PGAP1: variants seen among roughly 807,000 people sequenced by gnomAD.
PGAP1 encodes post-GPI attachment to proteins inositol deacylase 1, also known as GPI inositol-deacylase.
In PGAP1, 76 loss-of-function variants were observed where a neutral mutation model predicts 127.0. The ratio of observed to expected loss-of-function variants is 0.60; its 90% CI spans 0.50 to 0.72. The LOEUF (loss-of-function observed/expected upper bound fraction) is 0.72. Ranked by LOEUF, PGAP1 falls within the 30% of genes least tolerant of loss-of-function variation. The pLI, the probability that PGAP1 is intolerant of heterozygous loss-of-function variation, is 0.00. For missense variants in PGAP1, 982 were observed against 1,071.3 expected, an observed-to-expected ratio of 0.92 and a Z score of 1.16; for synonymous variants, 362 against 366.5, an observed-to-expected ratio of 0.99 and a Z score of 0.14.
At chr2:196,893,755 ACT>A (rs1253726305) in intron 7 of PGAP1, among the ~76,000 whole-genome samples, 1 of 152,138 alleles carries the variant, frequency 6.6e-6, no homozygotes, top group Non-Finnish European at 1.5e-5. Context: ...CATAGAAATT[ACT>A]CTCTTTTATT....
chr2:196,881,408 G>A (rs1367231060), intron 12 of PGAP1, among the ~76,000 whole-genome samples: 2 of 152,078 alleles, frequency 1.3e-5, no homozygotes, highest in Admixed American at 6.6e-5. Context: ...TAGGTCAAAT[G>A]GTATTTCTAT....
intron 20 of PGAP1, among the ~76,000 whole-genome samples, chr2:196,856,188 G>A (rs1268238641): frequency 1.3e-5 from 2 of 151,814 alleles, no homozygotes; most frequent in African/African-American, 4.8e-5. Context: ...TAATTTTTTT[G>A]TATTTTTAGT....
intron 3 of PGAP1, among the ~76,000 whole-genome samples, chr2:196,913,616 C>A (rs1702908411): frequency 6.6e-6 from 1 of 152,164 alleles, no homozygotes; most frequent in African/African-American, 2.4e-5. Flanking sequence ...TTCAAAAAAT[C>A]TTTTGTTTTC....
chr2:196,864,390 CAAAAAAAAAAAAAA>C (rs752788293), intron 20 of PGAP1, among the ~76,000 whole-genome samples: 1 of 32,390 alleles, frequency 3.1e-5, no homozygotes, highest in South Asian at 1.6e-3. Flanking sequence ...AACTACGTCT[CAAAAAAAAAAAAAA>C]AAAAAAAAAA....
intron 7 of PGAP1, among the ~76,000 whole-genome samples, chr2:196,894,418 T>C (rs1328009308): frequency 1.3e-5 from 2 of 152,220 alleles, no homozygotes; most frequent in Non-Finnish European, 2.9e-5. Context: ...GCAAACTCTC[T>C]ACTTCAAATA....
At chr2:196,860,440 A>G (rs1701027339) in intron 20 of PGAP1, among the ~76,000 whole-genome samples, 1 of 152,286 alleles carries the variant, frequency 6.6e-6, no homozygotes, top group African/African-American at 2.4e-5. Context: ...AGGCTGAGAC[A>G]GAAGAATCAC....
intron 22 of PGAP1, 120 bp downstream of exon 22, chr2:196,846,883 G>A (rs539094916): frequency 2.6e-6 from 2 of 781,110 alleles, no homozygotes; most frequent in African/African-American, 1.8e-5. Context: ...CCATACTTTC[G>A]CTAGTTATAT....
chr2:196,875,642 C>T (rs1701540149), intron 14 of PGAP1, 104 bp downstream of exon 14: 6 of 673,440 alleles, frequency 8.9e-6, no homozygotes, highest in Non-Finnish European at 2.6e-6. Context: ...ATTCTAAGAA[C>T]TATACTTGAA....
Position 196,847,094 on chromosome 2 carries a change from A to G in PGAP1, c.2059T>C (p.Phe687Leu). 6.2e-7 allele frequency: 1 copy of G among 1,613,712 alleles called. No homozygotes were observed. Among genetic ancestry groups the G allele is most frequent in the Non-Finnish European group, 8.5e-7 (1 of 1,179,732 alleles). The change falls in exon 22 of 27, where the codon TTT (phenylalanine) becomes CTT (leucine). Residue 687 changes from phenylalanine to leucine, a missense_variant. Transcript: ENST00000354764. ...TAGGCAGTACACGTTCCAAACAGAA[A>G]GAGAATCAAGGATATCAGGGGGAAA... is the stretch of plus-strand genomic sequence containing the variant. ...MCFPLISLIL[F>L]LFGTCTAYWS... is the part of the protein sequence containing the mutation.
chr2:196,863,219 A>G (rs1265320603), intron 20 of PGAP1, among the ~76,000 whole-genome samples: 2 of 152,200 alleles, frequency 1.3e-5, no homozygotes, highest in Admixed American at 1.3e-4. Flanking sequence ...ACTGCTGTAT[A>G]TATTATCCAA....
rs1700176161 is a variant in PGAP1, at chr2:196,834,280, T to C, written c.*6954A>G. 6.6e-6 allele frequency: 1 copy of C among 152,156 alleles called. No individual in the cohort carries two copies. The highest frequency in any genetic ancestry group is 1.5e-5 in the Non-Finnish European group (1 of 67,904). 9.4% of individuals were successfully genotyped at this position (152,156 alleles called of 1,614,324 possible). On this transcript the variant is annotated 3_prime_UTR_variant, in exon 27 of 27. Coordinates refer to ENST00000354764, the MANE Select transcript of PGAP1 (RefSeq NM_024989.4). Reference sequence around the variant, plus strand: ...TAATTCAAAATGAGAACTCTGAAAATTAAGGGAGGCCTCTACAGCAATAGT... The same window carrying C: ...TAATTCAAAATGAGAACTCTGAAAACTAAGGGAGGCCTCTACAGCAATAGT...
At chr2:196,872,782 A>G in intron 17 of PGAP1, 178 bp downstream of exon 17, 1 of 559,790 alleles carries the variant, frequency 1.8e-6, no homozygotes. Flanking sequence ...AGTAAAGTTT[A>G]AGTTCTCTAT....
At position 196,926,629 on chromosome 2, in the gene PGAP1, ACCGCCG is replaced by A. The variant is rs745913420; in HGVS notation, c.-19_-14del. ...AGTGAAGAAACATGGTGCCGCCACC[ACCGCCG>A]CCGCCGCCGCCGCCCCCTCTACCTC... On this transcript the variant is annotated 5_prime_UTR_variant, in exon 1 of 27. Coordinates refer to ENST00000354764, the MANE Select transcript of PGAP1 (RefSeq NM_024989.4). 10 of 1,607,594 alleles carry A rather than the reference ACCGCCG, an allele frequency of 6.2e-6. No individual in the cohort carries two copies. In the East Asian group the frequency reaches 6.7e-5, roughly 11 times the overall value.
rs1207251934 is a variant in PGAP1 at position 196,837,867 on chromosome 2, T to C, written c.*3367A>G. The C allele has an allele frequency of 6.6e-6, 1 of 152,002 alleles. No homozygotes were observed. Among genetic ancestry groups the C allele is most frequent in the African/African-American group, 2.4e-5 (1 of 41,380 alleles). 9.4% of individuals were successfully genotyped at this position (152,002 alleles called of 1,614,324 possible). The stretch of plus-strand genomic sequence containing the variant: ...GATCTGAATTTGTCTAGCCAAAATA[T>C]GAAAAAATAAAGATTAATCAATACA... On this transcript the variant is annotated 3_prime_UTR_variant, in exon 27 of 27. Transcript: ENST00000354764.
At position 196,916,418 on chromosome 2, in the gene PGAP1, C is replaced by G; in HGVS notation, c.477G>C (p.Lys159Asn). ...ATTGATTTGCATACTTATCTCTCACCTTATAGAGTTTGAGAATTGTTTTAA... is the reference window on the plus strand; with the variant it reads ...ATTGATTTGCATACTTATCTCTCACGTTATAGAGTTTGAGAATTGTTTTAA... ...ECIKTILKLYKGQEFAPKSVA... is the reference protein window; with the variant it reads ...ECIKTILKLYNGQEFAPKSVA... The change falls in exon 3 of 27, where the codon AAG (lysine) becomes AAC (asparagine). Residue 159 changes from lysine to asparagine, a missense_variant and splice_region_variant. Coordinates refer to ENST00000354764, the MANE Select transcript of PGAP1 (RefSeq NM_024989.4). The G allele has an allele frequency of 6.2e-7, 1 of 1,604,594 alleles. No homozygotes were observed.
rs993941268 is a variant in PGAP1 at position 196,840,157 on chromosome 2, A to C, written c.*1077T>G. On this transcript the variant is annotated 3_prime_UTR_variant, in exon 27 of 27. Coordinates refer to ENST00000354764, the MANE Select transcript of PGAP1 (RefSeq NM_024989.4). ...TAGGCAAATCAAGATTCCACTGTTA[A>C]ACCTAGTGGCTAATGTCTCCAATTT... 1 of 152,230 alleles carries C rather than the reference A, an allele frequency of 6.6e-6. No individual in the cohort carries two copies. The highest frequency in any genetic ancestry group is 2.4e-5 in the African/African-American group (1 of 41,462). 9.4% of individuals were successfully genotyped at this position (152,230 alleles called of 1,614,324 possible). A position where few individuals can be genotyped will look rare whatever the true frequency, so the allele number is the denominator to read the frequency against.
At position 196,898,346 on chromosome 2, in the gene PGAP1, C is replaced by T. The variant is rs772831289; in HGVS notation, c.831G>A (p.Trp277Ter). The change falls in exon 6 of 27, where the codon TGG becomes TGA. Residue 277 changes from tryptophan to a stop codon, truncating the protein, a stop_gained. Coordinates refer to ENST00000354764, the MANE Select transcript of PGAP1 (RefSeq NM_024989.4). LOFTEE classifies it high-confidence loss of function. ...SVVSSAVPKT[W>*]VSTDHLSIVW... ...CAATGGAGAGGTGGTCTGTTGAGAC[C>T]CAGGTCTTAGGCACTGCTGAACTCT... is the stretch of plus-strand genomic sequence containing the variant. 2.5e-6 allele frequency: 4 copies of T among 1,611,060 alleles called. No individual in the cohort carries two copies. Among genetic ancestry groups the T allele is most frequent in the Admixed American group, 1.7e-5 (1 of 59,778 alleles).
At chr2:196,859,665 C>T (rs913030183) in intron 20 of PGAP1, among the ~76,000 whole-genome samples, 3 of 152,066 alleles carry the variant, frequency 2.0e-5, no homozygotes, top group African/African-American at 7.2e-5. Flanking sequence ...ATATCATTCA[C>T]CACGATGAAG....
At chr2:196,888,553 A>C (rs1701992661) in intron 10 of PGAP1, among the ~76,000 whole-genome samples, 1 of 152,166 alleles carries the variant, frequency 6.6e-6, no homozygotes, top group Non-Finnish European at 1.5e-5. Context: ...ATGGGAATAC[A>C]ATCAGTTAAA....
Sources: gnomAD v4.1 joint callset for allele counts (sites outside exome capture counted in the v4.1 genomes callset) on GRCh38, gnomAD v4.1.1 for gene constraint, MANE v1.5 for transcripts, NCBI Gene and HGNC (gene_info 2026-07-23, HGNC 2026-07-21) for gene names.